The following BRAF variants were observed in gnomAD, a reference collection of about 807,000 sequenced individuals.
BRAF encodes the protein B-Raf proto-oncogene, serine/threonine kinase.
BRAF carries 16 observed loss-of-function variants against 104.6 expected under a neutral mutation model. The ratio of observed to expected loss-of-function variants is 0.15; its 90% CI spans 0.10 to 0.23. BRAF has a LOEUF of 0.23. Among genes scored for constraint, BRAF ranks in the 10% least tolerant of loss-of-function variants. The pLI is 1.00. For missense variants in BRAF, 541 were observed against 937.3 expected (o/e 0.58, Z 5.52); for synonymous variants, 310 against 341.6 (o/e 0.91, Z 1.02).
chr7:140,908,557 C>A (rs960940405), intron 1 of BRAF, among the ~76,000 whole-genome samples: 1 of 152,056 alleles, frequency 6.6e-6, no homozygotes, highest in African/African-American at 2.4e-5. Flanking sequence ...CCCTGGACCA[C>A]CCAGACAGAG....
intron 1 of BRAF, among the ~76,000 whole-genome samples, chr7:140,887,735 T>G (rs1222092045): frequency 6.6e-6 from 1 of 152,102 alleles, no homozygotes; most frequent in Non-Finnish European, 1.5e-5. Flanking sequence ...TTTTTTGAGA[T>G]GTAGGGTTTC....
chr7:140,794,250 A>G, intron 8 of BRAF, 58 bp downstream of exon 8: 2 of 1,583,652 alleles, frequency 1.3e-6, no homozygotes, highest in East Asian at 4.5e-5. Context: ...TAATTATAGC[A>G]GAAAAATAAA....
At position 140,723,052 on chromosome 7, in the gene BRAF, A is replaced by G. The variant is rs1241203996; in HGVS notation, c.*3442T>C. 8.6e-6 allele frequency: 9 copies of G among 1,051,458 alleles called. No individual in the cohort carries two copies. Among genetic ancestry groups the G allele is most frequent in the Middle Eastern group, 4.3e-4 (1 of 2,346 alleles). 65.1% of individuals were successfully genotyped at this position (1,051,458 alleles called of 1,614,324 possible). On this transcript the variant is annotated 3_prime_UTR_variant, in exon 20 of 20. Transcript: ENST00000644969. ...TGACTTTTCATATTTTAAAATAAAT[A>G]ACTATTCATTACCTCATTCTGAAGA...
intron 3 of BRAF, among the ~76,000 whole-genome samples, chr7:140,829,962 A>G (rs1386511771): frequency 6.6e-6 from 1 of 152,002 alleles, no homozygotes; most frequent in Non-Finnish European, 1.5e-5. Flanking sequence ...CTTTTTTCTC[A>G]TATTTGCCCA....
At chr7:140,798,262 C>CTTTTTTTTCTT (rs1554402845) in intron 7 of BRAF, among the ~76,000 whole-genome samples, 59 of 32,590 alleles carry the variant, frequency 1.8e-3, no homozygotes, top group African/African-American at 9.3e-3. Context: ...TGTATGGGGA[C>CTTTTTTTTCTT]TTTTTTTTTC....
chr7:140,762,198 C>G (rs1048911103), intron 14 of BRAF, among the ~76,000 whole-genome samples: 4 of 152,260 alleles, frequency 2.6e-5, no homozygotes, highest in African/African-American at 7.2e-5. Flanking sequence ...TGTCTCAGAC[C>G]ACAGTGCAAT....
intron 1 of BRAF, among the ~76,000 whole-genome samples, chr7:140,866,750 A>G (rs1358768561): frequency 1.3e-5 from 2 of 152,032 alleles, no homozygotes; most frequent in East Asian, 3.9e-4. Context: ...ACCTAGTGTA[A>G]GTAATGAATT....
At chr7:140,894,733 G>A (rs1254244212) in intron 1 of BRAF, among the ~76,000 whole-genome samples, 1 of 151,772 alleles carries the variant, frequency 6.6e-6, no homozygotes, top group Non-Finnish European at 1.5e-5. Flanking sequence ...TAATAATGTG[G>A]AAGAACTGCC....
At chr7:140,730,721 A>G (rs77481652) in intron 19 of BRAF, 2 of 126,530 alleles carry the variant, frequency 1.6e-5, no homozygotes, top group Admixed American at 7.9e-5. Flanking sequence ...GGGAAGACTG[A>G]AAAAAAAAAA....
intron 1 of BRAF, among the ~76,000 whole-genome samples, chr7:140,895,832 T>C (rs1400768613): frequency 1.3e-5 from 2 of 152,344 alleles, no homozygotes; most frequent in Non-Finnish European, 2.9e-5. Context: ...TCTTCTGTTG[T>C]TGAACTGATT....
chr7:140,869,782 G>A (rs910381314), intron 1 of BRAF, among the ~76,000 whole-genome samples: 14 of 152,316 alleles, frequency 9.2e-5, no homozygotes, highest in Admixed American at 3.3e-4. Context: ...TATTACAAAT[G>A]TTGGAATTAA....
At chr7:140,846,129 A>G (rs963734902) in intron 2 of BRAF, among the ~76,000 whole-genome samples, 3 of 152,168 alleles carry the variant, frequency 2.0e-5, no homozygotes, top group African/African-American at 7.2e-5. Flanking sequence ...TCATAAAATC[A>G]CCATGTGATC....
At position 140,724,217 on chromosome 7, in the gene BRAF, C is replaced by A. The variant is rs568871307; in HGVS notation, c.*2277G>T. Reference sequence around the variant, plus strand: ...TGGTACCGCCCCTGCCCCTGCCCCACGGAGGCAGTCCCGGACCCAGGCTGC... The same window carrying A: ...TGGTACCGCCCCTGCCCCTGCCCCAAGGAGGCAGTCCCGGACCCAGGCTGC... On this transcript the variant is annotated 3_prime_UTR_variant, in exon 20 of 20. Coordinates refer to ENST00000644969, the MANE Select transcript of BRAF (RefSeq NM_001374258.1). 100 of 1,058,282 alleles carry A rather than the reference C, an allele frequency of 9.4e-5. No homozygotes were observed. Among genetic ancestry groups the A allele is most frequent in the Admixed American group, 1.1e-4 (2 of 18,500 alleles). The allele number at this position is 1,058,282 out of a possible 1,614,324, so 65.6% of individuals were successfully genotyped here. A position where few individuals can be genotyped will look rare whatever the true frequency, so the allele number is the denominator to read the frequency against.
intron 2 of BRAF, among the ~76,000 whole-genome samples, chr7:140,843,985 G>A (rs1400251990): frequency 6.6e-6 from 1 of 152,018 alleles, no homozygotes; most frequent in African/African-American, 2.4e-5. Context: ...CTCCCGCCTG[G>A]GTGACAGAGC....
rs923023526 is a variant in BRAF at position 140,720,484 on chromosome 7, T to C, written c.*6010A>G. 46 of 1,064,230 alleles carry C rather than the reference T, an allele frequency of 4.3e-5. No homozygotes were observed. The South Asian group carries it at 1.8e-3, about 41-fold the overall frequency. 65.9% of individuals were successfully genotyped at this position (1,064,230 alleles called of 1,614,324 possible). ...AATAAAAAGGCATTATATGTTGATA[T>C]AGCTGGTTTTAATCAGCTATGGAAC... On this transcript the variant is annotated 3_prime_UTR_variant, in exon 20 of 20. Coordinates refer to ENST00000644969, the MANE Select transcript of BRAF (RefSeq NM_001374258.1).
At chr7:140,727,250 CT>C (rs1795655026) in intron 19 of BRAF, among the ~76,000 whole-genome samples, 1 of 149,318 alleles carries the variant, frequency 6.7e-6, no homozygotes, top group Admixed American at 6.8e-5. Flanking sequence ...ATGGTGCAAT[CT>C]CGGTTCACTG....
chr7:140,880,691 G>A (rs1160098043), intron 1 of BRAF, among the ~76,000 whole-genome samples: 1 of 152,128 alleles, frequency 6.6e-6, no homozygotes, highest in East Asian at 1.9e-4. Context: ...TGATCCATGG[G>A]CTGCAGAATG....
intron 1 of BRAF, among the ~76,000 whole-genome samples, chr7:140,850,491 G>C (rs1442064407): frequency 6.6e-6 from 1 of 151,898 alleles, no homozygotes; most frequent in Non-Finnish European, 1.5e-5. Context: ...ACATTCCCAG[G>C]CCCCCTTTCA....
Position 140,924,437 on chromosome 7 carries a change from A to G in BRAF, c.138+129T>C. ...GACACGGGGGCGATGCCCACCTCCC[A>G]GCCCGCGGAGCTGGCCCGAGAAGGT... On this transcript the variant is annotated intron_variant, in intron 1 of 19. Coordinates refer to ENST00000644969, the MANE Select transcript of BRAF (RefSeq NM_001374258.1). The surrounding 1 kb of genome is among the most constrained non-coding windows in gnomAD (Gnocchi z 4.2). 2.9e-6 allele frequency: 4 copies of G among 1,374,748 alleles called. No individual in the cohort carries two copies. The African/African-American group carries it at 4.4e-5, about 15-fold the overall frequency. The allele number at this position is 1,374,748 out of a possible 1,614,324, so 85.2% of individuals were successfully genotyped here.
Sources: allele counts gnomAD v4.1 joint callset (sites outside exome capture counted in the v4.1 genomes callset), GRCh38; gene constraint gnomAD v4.1.1; non-coding constraint Gnocchi (gnomAD v3.1); transcripts MANE v1.5; gene names NCBI Gene and HGNC (gene_info 2026-07-23, HGNC 2026-07-21).